LTBP1: variants seen among roughly 807,000 people sequenced by gnomAD.
LTBP1 encodes latent transforming growth factor beta binding protein 1, also known as latent-transforming growth factor beta-binding protein 1.
A neutral mutation model predicts 207.6 loss-of-function variants in LTBP1; 129 were observed. The ratio of observed to expected loss-of-function variants is 0.62; its 90% CI spans 0.54 to 0.72. The LOEUF (loss-of-function observed/expected upper bound fraction) is 0.72, where lower values mean the gene tolerates loss of function less well. LTBP1 is among the 30% of genes least tolerant of loss of function. LTBP1 has a pLI of 0.00. For synonymous variants in LTBP1, 963 were observed against 833.7 expected, an observed-to-expected ratio of 1.16 and a Z score of -2.67; for missense variants, 2,281 against 2,217.2, an observed-to-expected ratio of 1.03 and a Z score of -0.58.
chr2:33,309,333 A>ATG, intron 22 of LTBP1, 101 bp from the exon 23 acceptor site: 2 of 737,792 alleles, frequency 2.7e-6, no homozygotes, highest in Admixed American at 7.0e-5. Context: ...ATTATGTATT[A>ATG]TAAATGATGT....
chr2:33,075,014 G>A (rs1278258141), intron 3 of LTBP1, among the ~76,000 whole-genome samples: 2 of 152,128 alleles, frequency 1.3e-5, no homozygotes, highest in African/African-American at 4.8e-5. Context: ...TCACACCACT[G>A]CACTCCAGCC....
chr2:33,173,072 C>T (rs1474371001), intron 5 of LTBP1, among the ~76,000 whole-genome samples: 11 of 152,102 alleles, frequency 7.2e-5, no homozygotes, highest in Admixed American at 3.9e-4. Context: ...AAAATTGACA[C>T]CCTAATATCT....
At chr2:33,125,260 C>T (rs538502149) in intron 4 of LTBP1, among the ~76,000 whole-genome samples, 2 of 152,298 alleles carry the variant, frequency 1.3e-5, no homozygotes, top group South Asian at 4.1e-4. Context: ...GCAGAATGAC[C>T]GTGGTCAAGC....
chr2:33,337,491 T>C (rs552251915), intron 24 of LTBP1, among the ~76,000 whole-genome samples: 1 of 152,340 alleles, frequency 6.6e-6, no homozygotes, highest in East Asian at 1.9e-4. Context: ...TTTGCATAAT[T>C]CTTTCTTGAC....
chr2:33,352,324 A>G (rs991746710), intron 26 of LTBP1, among the ~76,000 whole-genome samples: 2 of 151,576 alleles, frequency 1.3e-5, no homozygotes, highest in Admixed American at 6.6e-5. Context: ...TAGAGACGGG[A>G]TTTCACCATG....
chr2:33,262,540 CTTTTTTT>C (rs369761322), intron 13 of LTBP1, among the ~76,000 whole-genome samples, 175 bp from the exon 14 acceptor site: 5 of 98,496 alleles, frequency 5.1e-5, no homozygotes, highest in African/African-American at 1.5e-4. Flanking sequence ...ATCAAAGGTT[CTTTTTTT>C]TTTTTTTTTT....
chr2:33,149,719 G>A (rs772616030), intron 5 of LTBP1, among the ~76,000 whole-genome samples: 1 of 152,188 alleles, frequency 6.6e-6, no homozygotes, highest in African/African-American at 2.4e-5. Context: ...ATGGGAAACC[G>A]TTTAGCACAG....
chr2:33,309,215 A>G (rs2094144449), intron 22 of LTBP1, among the ~76,000 whole-genome samples: 1 of 151,492 alleles, frequency 6.6e-6, no homozygotes, highest in Admixed American at 6.6e-5. Flanking sequence ...CCTGGGAGGC[A>G]GAGGTTGCAG....
intron 2 of LTBP1, among the ~76,000 whole-genome samples, chr2:33,003,961 C>T (rs557711362): frequency 6.6e-6 from 1 of 152,186 alleles, no homozygotes; most frequent in Non-Finnish European, 1.5e-5. Context: ...GTTACTGATA[C>T]CTGTACCCAA....
At chr2:33,277,524 T>C (rs1425581401) in intron 18 of LTBP1, among the ~76,000 whole-genome samples, 1 of 152,126 alleles carries the variant, frequency 6.6e-6, no homozygotes, top group Non-Finnish European at 1.5e-5. Context: ...TTCATGAAAA[T>C]AACTTCATGT....
chr2:33,316,955 C>T (rs930356882), intron 24 of LTBP1, among the ~76,000 whole-genome samples: 2 of 152,080 alleles, frequency 1.3e-5, no homozygotes, highest in Non-Finnish European at 2.9e-5. Context: ...ATGGTTGTGC[C>T]ATGCAAAATT....
At chr2:33,300,695 A>G (rs1475275972) in intron 21 of LTBP1, 122 bp downstream of exon 21, 5 of 1,015,414 alleles carry the variant, frequency 4.9e-6, no homozygotes, top group Non-Finnish European at 6.8e-6. Flanking sequence ...TTATAGTGCC[A>G]GAAAGCCAGG....
chr2:33,251,537 T>C (rs934003194), intron 10 of LTBP1, among the ~76,000 whole-genome samples: 3 of 151,956 alleles, frequency 2.0e-5, no homozygotes, highest in African/African-American at 4.8e-5. Context: ...TGGTAGTGGG[T>C]GCCTGTAGTC....
intron 2 of LTBP1, among the ~76,000 whole-genome samples, chr2:32,987,046 G>T (rs1344194412): frequency 6.6e-6 from 1 of 152,130 alleles, no homozygotes; most frequent in African/African-American, 2.4e-5. Context: ...ATGGACTGTG[G>T]GTGCATTGTG....
chr2:33,250,045 T>TCAGA lies in LTBP1; in HGVS notation c.2000-2629_2000-2626dup, dbSNP rs150260597. ...TCTTCCAGTCTGAGGTTAAAGATAT[T>TCAGA]CAGACAATAACAACACCAATCACAT... On this transcript the variant is annotated intron_variant, in intron 10 of 33. Coordinates refer to ENST00000404816, the MANE Select transcript of LTBP1 (RefSeq NM_206943.4). 4.3e-3 allele frequency among the ~76,000 whole-genome samples: 650 copies of TCAGA among 152,332 alleles called. 4 individuals are homozygous for TCAGA. The highest frequency in any genetic ancestry group is 0.038 in the South Asian group (181 of 4,824).
rs894721386 is a variant in LTBP1, at chr2:33,032,283, G to A, written c.863+11077G>A. Among the ~76,000 whole-genome samples the A allele has an allele frequency of 2.6e-5, 4 of 152,122 alleles. No homozygotes were observed. The East Asian group carries it at 7.7e-4, about 29-fold the overall frequency. On this transcript the variant is annotated intron_variant, in intron 3 of 33. Transcript: ENST00000404816. ...AAAACCAGATTTGATTTCCTTCTGTGTTGATCAAACTAACACATCATGCTC... is the reference window on the plus strand; with the variant it reads ...AAAACCAGATTTGATTTCCTTCTGTATTGATCAAACTAACACATCATGCTC...
Position 33,034,961 on chromosome 2 carries a change from G to A in LTBP1, c.863+13755G>A, listed in dbSNP as rs561704101. Among the ~76,000 whole-genome samples the A allele has an allele frequency of 1.8e-4, 28 of 152,276 alleles. 1 individual carries two copies. In the South Asian group the frequency reaches 5.4e-3, roughly 29 times the overall value. On this transcript the variant is annotated intron_variant, in intron 3 of 33. Coordinates refer to ENST00000404816, the MANE Select transcript of LTBP1 (RefSeq NM_206943.4). The stretch of plus-strand genomic sequence containing the variant: ...CAGTTTTATTTTTATACCGCAGAAT[G>A]CCAAAATTTGAAGAGGGGGGTTTAA...
At chr2:33,384,364 G>T (rs2095247535) in intron 31 of LTBP1, among the ~76,000 whole-genome samples, 1 of 152,186 alleles carries the variant, frequency 6.6e-6, no homozygotes, top group Non-Finnish European at 1.5e-5. Context: ...CAAGAGCTAA[G>T]CATTTGCGCT....
At chr2:33,227,799 CTTTTTTTTTTTTT>C (rs10548945) in intron 9 of LTBP1, among the ~76,000 whole-genome samples, 40 of 53,396 alleles carry the variant, frequency 7.5e-4, no homozygotes, top group Admixed American at 6.4e-3. Context: ...ATAAGAAGCT[CTTTTTTTTTTTTT>C]TTTTTTTTTT....
Sources: gnomAD v4.1 joint callset for allele counts (sites outside exome capture counted in the v4.1 genomes callset) on GRCh38, gnomAD v4.1.1 for gene constraint, MANE v1.5 for transcripts, NCBI Gene and HGNC (gene_info 2026-07-23, HGNC 2026-07-21) for gene names.